Variants in CSDE1 observed in about 807,000 individuals in gnomAD.
The protein encoded by CSDE1 is cold shock domain containing E1.
A neutral mutation model predicts 89.3 loss-of-function variants in CSDE1; 17 were observed. The ratio of observed to expected loss-of-function variants is 0.19; its 90% CI spans 0.13 to 0.29. The LOEUF (loss-of-function observed/expected upper bound fraction) is 0.29, where lower values mean the gene tolerates loss of function less well. Among genes scored for constraint, CSDE1 ranks in the 10% least tolerant of loss-of-function variants. The pLI is 1.00. For missense variants in CSDE1, 672 were observed against 984.2 expected (o/e 0.68, Z 4.24); for synonymous variants, 322 against 332.8 (o/e 0.97, Z 0.35).
chr1:114,737,979 T>C lies in CSDE1; in HGVS notation c.293A>G (p.Glu98Gly), dbSNP rs1317694411. Residue 98 changes from glutamate (E) to glycine (G), a missense_variant, in exon 4 of 20, where the codon GAA becomes GGA. Transcript: ENST00000358528. ...VKIKQEILPE[E>G]RMNGQVVCAV... is the part of the protein sequence containing the mutation. Reference sequence around the variant, plus strand: ...GTCACTAACTTGTCCATTCATTCGTTCTTCAGGGAGGATTTCTTGTTTTAT... The same window carrying C: ...GTCACTAACTTGTCCATTCATTCGTCCTTCAGGGAGGATTTCTTGTTTTAT... 1.9e-6 allele frequency: 3 copies of C among 1,612,922 alleles called. No individual in the cohort carries two copies. Among genetic ancestry groups the C allele is most frequent in the Admixed American group, 3.3e-5 (2 of 60,024 alleles).
chr1:114,730,496 G>C lies in CSDE1; in HGVS notation c.1191+12C>G. The C allele has an allele frequency of 6.2e-7, 1 of 1,612,906 alleles. No homozygotes were observed. The highest frequency in any genetic ancestry group is 8.5e-7 in the Non-Finnish European group (1 of 1,179,546). ...AAGAAACACCTCCCAACTTTTCTCA[G>C]AAACAACTCACAGGAACCACAGTAA... On this transcript the variant is annotated intron_variant, in intron 11 of 19. Transcript: ENST00000358528.
intron 19 of CSDE1, 106 bp from the exon 20 acceptor site, chr1:114,718,322 T>C (rs1659312788): frequency 7.5e-7 from 1 of 1,338,058 alleles, no homozygotes; most frequent in African/African-American, 1.5e-5. Flanking sequence ...TTATTTTTAA[T>C]CATCTTATGC....
At chr1:114,738,591 G>GT (rs1307271730) in intron 3 of CSDE1, among the ~76,000 whole-genome samples, 1 of 135,916 alleles carries the variant, frequency 7.4e-6, no homozygotes, top group Non-Finnish European at 1.6e-5. Context: ...TTTCTCAAAC[G>GT]TTTTTTAAAA....
At position 114,736,758 on chromosome 1, in the gene CSDE1, T is replaced by G; in HGVS notation, c.500A>C (p.His167Pro). 6.3e-7 allele frequency: 1 copy of G among 1,595,860 alleles called. No homozygotes were observed. Among genetic ancestry groups the G allele is most frequent in the Non-Finnish European group, 8.6e-7 (1 of 1,168,566 alleles). Residue 167 changes from histidine (H) to proline (P), a missense_variant and splice_region_variant, in exon 6 of 20, where the codon CAT becomes CCT. This residue lies in a region of CSDE1 where 124 missense variants were observed against 138.7 expected (regional missense o/e 0.89). Coordinates refer to ENST00000358528, the MANE Select transcript of CSDE1 (RefSeq NM_001007553.3). The part of the protein sequence containing the change: ...KINFVIDNNK[H>P]TGAVSARNIM... Reference sequence around the variant, plus strand: ...GAAAATTTAAAAAAAAAGAACTTACTGTTTATTGTTATCAATTACAAAGTT... The same window carrying G: ...GAAAATTTAAAAAAAAAGAACTTACGGTTTATTGTTATCAATTACAAAGTT...
intron 7 of CSDE1, 102 bp from the exon 8 acceptor site, chr1:114,734,219 A>G (rs1178817713): frequency 7.4e-7 from 1 of 1,346,710 alleles, no homozygotes; most frequent in Non-Finnish European, 1.0e-6. Flanking sequence ...TGTAGTCACA[A>G]TAATATAATT....
intron 17 of CSDE1, chr1:114,720,336 T>C (rs1659447466): frequency 3.9e-6 from 2 of 512,564 alleles, no homozygotes; most frequent in South Asian, 3.2e-5. Context: ...CTAATACCAA[T>C]CTTACTTTCT....
At chr1:114,735,338 A>G (rs533147778) in intron 6 of CSDE1, among the ~76,000 whole-genome samples, 93 of 152,328 alleles carry the variant, frequency 6.1e-4, no homozygotes, top group Middle Eastern at 6.8e-3. Context: ...TGTGCTTTTT[A>G]TTTAAAAAAA....
intron 2 of CSDE1, among the ~76,000 whole-genome samples, chr1:114,742,112 C>A (rs1164076865): frequency 4.6e-5 from 7 of 152,200 alleles, no homozygotes; most frequent in Middle Eastern, 3.4e-3. Context: ...TAGGTTTCAC[C>A]GAGTTGGTAT....
chr1:114,719,487 C>A, intron 18 of CSDE1, 92 bp downstream of exon 18: 4 of 1,247,304 alleles, frequency 3.2e-6, no homozygotes, highest in African/African-American at 1.5e-5. Context: ...TGGCAGAAGA[C>A]AAGGCACAGA....
intron 6 of CSDE1, among the ~76,000 whole-genome samples, chr1:114,735,553 T>C (rs943019891): frequency 1.3e-5 from 2 of 152,198 alleles, no homozygotes; most frequent in South Asian, 2.1e-4. Flanking sequence ...TTAACAACTA[T>C]ATAAATTGAG....
intron 14 of CSDE1, 114 bp from the exon 15 acceptor site, chr1:114,725,447 A>C: frequency 2.5e-6 from 2 of 797,170 alleles, no homozygotes; most frequent in Admixed American, 2.0e-5. Context: ...TACATTAGAC[A>C]CCATTTTAAG....
intron 1 of CSDE1, among the ~76,000 whole-genome samples, chr1:114,756,300 C>A (rs1311264704): frequency 1.3e-5 from 2 of 152,196 alleles, no homozygotes; most frequent in Non-Finnish European, 2.9e-5. Context: ...ATTACCTTCT[C>A]TTTTATTTTA....
intron 2 of CSDE1, among the ~76,000 whole-genome samples, chr1:114,747,339 A>G (rs1661065840): frequency 1.3e-5 from 2 of 152,136 alleles, no homozygotes; most frequent in Admixed American, 6.5e-5. Flanking sequence ...TAACTGAACT[A>G]TTTCACAACT....
Position 114,723,976 on chromosome 1 carries a change from G to T in CSDE1, c.1780C>A (p.Pro594Thr). 1 of 1,613,870 alleles carries T rather than the reference G, an allele frequency of 6.2e-7. No individual in the cohort carries two copies. The highest frequency in any genetic ancestry group is 8.5e-7 in the Non-Finnish European group (1 of 1,179,866). ...ATTACTTTGCCAGAGTAAATGGTGG[G>T]ATCAGCTTCCTCAGTAATGCCATTC... ...SVNGITEEADPTIYSGKVIRP... is the reference protein window; with the variant it reads ...SVNGITEEADTTIYSGKVIRP... Residue 594 changes from proline (P) to threonine (T), a missense_variant, in exon 16 of 20, where the codon CCC (proline) becomes ACC (threonine). Pro to Thr is a conservative substitution (Grantham distance 38). Around this residue, in one of 8 missense-constraint regions of CSDE1, gnomAD observed 206 missense variants for 332.4 expected, o/e 0.62. Coordinates refer to ENST00000358528, the MANE Select transcript of CSDE1 (RefSeq NM_001007553.3).
rs780305523 is a variant in CSDE1 at position 114,733,999 on chromosome 1, T to C, written c.701A>G (p.Lys234Arg). 6.8e-6 allele frequency: 11 copies of C among 1,612,718 alleles called. No homozygotes were observed. In the Admixed American group the frequency reaches 1.5e-4, roughly 22 times the overall value. Residue 234 changes from lysine (K) to arginine (R), a missense_variant, in exon 8 of 20, where the codon AAG (lysine) becomes AGG (arginine). Coordinates refer to ENST00000358528, the MANE Select transcript of CSDE1 (RefSeq NM_001007553.3). ...QPGDDVEFTI[K>R]DRNGKEVATD... ...AACTGACTGTCTTACATTTCTGTCC[T>C]TGATTGTGAATTCCACATCATCGCC...
At chr1:114,739,117 C>T (rs1007741266) in intron 3 of CSDE1, among the ~76,000 whole-genome samples, 4 of 151,968 alleles carry the variant, frequency 2.6e-5, no homozygotes, top group East Asian at 1.9e-4. Flanking sequence ...CTGCAAGCTC[C>T]GCCTCCCAGG....
intron 3 of CSDE1, 44 bp downstream of exon 3, chr1:114,739,648 A>C (rs929467997): frequency 4.5e-6 from 7 of 1,543,616 alleles, no homozygotes; most frequent in Admixed American, 1.7e-5. Context: ...TATGCAAGAC[A>C]AATTTTGTGA....
chr1:114,731,331 C>G (rs1015032375), intron 10 of CSDE1, among the ~76,000 whole-genome samples: 1 of 149,980 alleles, frequency 6.7e-6, no homozygotes, highest in Non-Finnish European at 1.5e-5. Flanking sequence ...CAAGTCCTGA[C>G]AGTAGCCAAG....
chr1:114,733,543 A>C (rs530718120), intron 9 of CSDE1, among the ~76,000 whole-genome samples, 189 bp downstream of exon 9: 4 of 152,020 alleles, frequency 2.6e-5, no homozygotes, highest in African/African-American at 7.2e-5. Flanking sequence ...AAAAAAAAAA[A>C]AAAAAACACC....
Sources: gnomAD v4.1 joint callset for allele counts (sites outside exome capture counted in the v4.1 genomes callset) on GRCh38, gnomAD v4.1.1 for gene constraint, gnomAD v4.1.1 regional missense constraint, MANE v1.5 for transcripts, NCBI Gene and HGNC (gene_info 2026-07-23, HGNC 2026-07-21) for gene names.